SH3RF1: variants seen among roughly 807,000 people sequenced by gnomAD.
SH3RF1 encodes SH3 domain containing ring finger 1, also known as E3 ubiquitin-protein ligase SH3RF1.
In SH3RF1, 32 loss-of-function variants were observed where a neutral mutation model predicts 74.0. The ratio of observed to expected loss-of-function variants is 0.43; its 90% CI spans 0.33 to 0.58. The LOEUF is 0.58. Ranked by LOEUF, SH3RF1 falls within the 20% of genes least tolerant of loss-of-function variation. The pLI is 0.05. For synonymous variants in SH3RF1, 396 were observed against 439.6 expected (o/e 0.90, Z 1.24); for missense variants, 954 against 1,130.9 (o/e 0.84, Z 2.24).
intron 11 of SH3RF1, among the ~76,000 whole-genome samples, chr4:169,098,732 T>G (rs746272206): frequency 6.6e-6 from 1 of 152,204 alleles, no homozygotes; most frequent in Admixed American, 6.5e-5. Context: ...GGAGAAACAC[T>G]GGCCTAAGGA....
At chr4:169,145,965 C>T (rs139505085) in intron 4 of SH3RF1, among the ~76,000 whole-genome samples, 25 of 84,554 alleles carry the variant, frequency 3.0e-4, no homozygotes, top group African/African-American at 5.5e-4. Flanking sequence ...TAAAATATTA[C>T]ATATTCTATA....
At chr4:169,146,236 T>A (rs1457279795) in intron 4 of SH3RF1, among the ~76,000 whole-genome samples, 2 of 145,516 alleles carry the variant, frequency 1.4e-5, no homozygotes, top group African/African-American at 5.0e-5. Context: ...TATATACTTT[T>A]TTTTTTTTTT....
At chr4:169,130,237 G>A in intron 5 of SH3RF1, 81 bp from the exon 6 acceptor site, 1 of 989,732 alleles carries the variant, frequency 1.0e-6, no homozygotes, top group East Asian at 3.1e-5. Flanking sequence ...AGAAAGGCAA[G>A]TCACATTAAA....
intron 2 of SH3RF1, among the ~76,000 whole-genome samples, chr4:169,162,038 G>A (rs996828831): frequency 2.1e-4 from 32 of 152,050 alleles, no homozygotes; most frequent in African/African-American, 7.5e-4. Flanking sequence ...AAATTAGCAC[G>A]GTGGTGGTGC....
At chr4:169,184,289 A>T (rs1443081780) in intron 2 of SH3RF1, among the ~76,000 whole-genome samples, 1 of 152,198 alleles carries the variant, frequency 6.6e-6, no homozygotes, top group Admixed American at 6.5e-5. Context: ...CTAAATTTTA[A>T]GGTGTTTTTA....
chr4:169,103,446 T>C (rs1457845138), intron 11 of SH3RF1, among the ~76,000 whole-genome samples: 1 of 152,228 alleles, frequency 6.6e-6, no homozygotes, highest in East Asian at 1.9e-4. Flanking sequence ...GAGTTGTTGA[T>C]GCTTGTATTG....
intron 2 of SH3RF1, among the ~76,000 whole-genome samples, chr4:169,205,679 G>A (rs1051175039): frequency 1.3e-5 from 2 of 152,098 alleles, no homozygotes; most frequent in Admixed American, 1.3e-4. Flanking sequence ...AATGAATGAC[G>A]TTAGCAGGAC....
chr4:169,174,080 T>C (rs923591072), intron 2 of SH3RF1, among the ~76,000 whole-genome samples: 5 of 152,162 alleles, frequency 3.3e-5, no homozygotes, highest in Admixed American at 3.3e-4. Flanking sequence ...AATGCTTTTC[T>C]TGAGACAGGG....
At chr4:169,182,315 A>G (rs1734524208) in intron 2 of SH3RF1, among the ~76,000 whole-genome samples, 1 of 152,234 alleles carries the variant, frequency 6.6e-6, no homozygotes, top group Non-Finnish European at 1.5e-5. Flanking sequence ...TACACTCACA[A>G]AGGAGGGTGA....
intron 4 of SH3RF1, among the ~76,000 whole-genome samples, chr4:169,149,503 A>G (rs1733943348): frequency 6.6e-6 from 1 of 152,234 alleles, no homozygotes; most frequent in South Asian, 2.1e-4. Flanking sequence ...GATCCAATGT[A>G]TTCAGTCAGA....
intron 6 of SH3RF1, among the ~76,000 whole-genome samples, chr4:169,129,258 GGC>G (rs1733573685): frequency 6.6e-6 from 1 of 152,196 alleles, no homozygotes; most frequent in Non-Finnish European, 1.5e-5. Flanking sequence ...CCAAAGCTTT[GGC>G]CTGGATGAGA....
intron 2 of SH3RF1, among the ~76,000 whole-genome samples, chr4:169,258,208 C>A (rs114654910): frequency 0.014 from 2,139 of 152,340 alleles, 21 homozygotes; most frequent in Non-Finnish European, 0.02. Context: ...CAGGTCTCCT[C>A]ATTCTTTCCA....
chr4:169,101,760 C>T (rs139251398), intron 11 of SH3RF1, among the ~76,000 whole-genome samples: 6 of 151,286 alleles, frequency 4.0e-5, no homozygotes, highest in South Asian at 4.2e-4. Context: ...TTGAACAAAG[C>T]GCTGTGGAGG....
At chr4:169,147,811 A>G (rs549205277) in intron 4 of SH3RF1, among the ~76,000 whole-genome samples, 1 of 152,218 alleles carries the variant, frequency 6.6e-6, no homozygotes, top group African/African-American at 2.4e-5. Flanking sequence ...ATGCTGGACC[A>G]GTATAGAATA....
chr4:169,152,968 TA>T (rs1733998016), intron 4 of SH3RF1, among the ~76,000 whole-genome samples: 1 of 152,122 alleles, frequency 6.6e-6, no homozygotes, highest in African/African-American at 2.4e-5. Context: ...CCTTCCCTCC[TA>T]ATTCCACAGC....
At chr4:169,134,049 G>A (rs1003297328) in intron 5 of SH3RF1, among the ~76,000 whole-genome samples, 1 of 152,126 alleles carries the variant, frequency 6.6e-6, no homozygotes, top group African/African-American at 2.4e-5. Context: ...TTGTGGCCTG[G>A]GGTGCCCTCC....
intron 2 of SH3RF1, among the ~76,000 whole-genome samples, chr4:169,234,189 T>C (rs1730790659): frequency 6.6e-6 from 1 of 151,668 alleles, no homozygotes; most frequent in African/African-American, 2.4e-5. Flanking sequence ...ACAATGTCAA[T>C]TTTTTTTTAA....
At chr4:169,229,130 T>C (rs1161203989) in intron 2 of SH3RF1, among the ~76,000 whole-genome samples, 1 of 152,190 alleles carries the variant, frequency 6.6e-6, no homozygotes, top group African/African-American at 2.4e-5. Context: ...TGCTTTTTGT[T>C]TTCTGTTTTG....
At chr4:169,200,732 C>T (rs541155351) in intron 2 of SH3RF1, among the ~76,000 whole-genome samples, 14 of 152,284 alleles carry the variant, frequency 9.2e-5, no homozygotes, top group East Asian at 1.9e-4. Flanking sequence ...GAAAGTTCCA[C>T]GGCTATTCAC....
Sources: gnomAD v4.1 joint callset for allele counts (sites outside exome capture counted in the v4.1 genomes callset) on GRCh38, gnomAD v4.1.1 for gene constraint, MANE v1.5 for transcripts, NCBI Gene and HGNC (gene_info 2026-07-23, HGNC 2026-07-21) for gene names.